The following GPRIN3 variants were observed in gnomAD, a reference collection of about 807,000 sequenced individuals.
GPRIN3 encodes G protein-regulated inducer of neurite outgrowth 3.
GPRIN3 carries 12 observed loss-of-function variants against 13.7 expected under a neutral mutation model. The ratio of observed to expected loss-of-function variants is 0.87; its 90% CI spans 0.56 to 1.42. The LOEUF (loss-of-function observed/expected upper bound fraction) is 1.42. GPRIN3 is among the 40% of genes most tolerant of loss of function. The pLI, the probability that GPRIN3 is intolerant of heterozygous loss-of-function variation, is 0.00. For missense variants in GPRIN3, 1,009 were observed against 958.7 expected (o/e 1.05, Z -0.69); for synonymous variants, 377 against 372.7 (o/e 1.01, Z -0.13).
chr4:89,304,903 T>A (rs1377163470), intron 1 of GPRIN3, among the ~76,000 whole-genome samples: 1 of 152,230 alleles, frequency 6.6e-6, no homozygotes. Flanking sequence ...CATTTGTAGA[T>A]GAAATATTTG....
chr4:89,306,070 T>C (rs998608883), intron 1 of GPRIN3, among the ~76,000 whole-genome samples: 1 of 152,120 alleles, frequency 6.6e-6, no homozygotes, highest in Non-Finnish European at 1.5e-5. Flanking sequence ...TTTTTTTTTC[T>C]CTTTTGAATC....
chr4:89,292,444 A>C (rs547395336), intron 1 of GPRIN3, among the ~76,000 whole-genome samples: 1 of 152,336 alleles, frequency 6.6e-6, no homozygotes, highest in South Asian at 2.1e-4. Flanking sequence ...TTATTAATTA[A>C]TTAACTTCAC....
Position 89,248,302 on chromosome 4 carries a change from G to A in GPRIN3, c.1809C>T (p.Thr603=). The A allele has an allele frequency of 6.2e-7, 1 of 1,614,144 alleles. No individual in the cohort carries two copies. Among genetic ancestry groups the A allele is most frequent in the Non-Finnish European group, 8.5e-7 (1 of 1,180,018 alleles). Reference sequence around the variant, plus strand: ...TGGGATCAGATGGCAGGCTCAGGCTGGTGGCTGTCTTGGTCTGTCTGTTTT... The same window carrying A: ...TGGGATCAGATGGCAGGCTCAGGCTAGTGGCTGTCTTGGTCTGTCTGTTTT... ...LEENRQTKTA[T]SLSLPSDPMG... Residue 603 remains threonine, a synonymous_variant, in exon 2 of 2, where the codon ACC becomes ACT. Coordinates refer to ENST00000609438, the MANE Select transcript of GPRIN3 (RefSeq NM_198281.3).
chr4:89,291,830 CT>C (rs33981386), intron 1 of GPRIN3, among the ~76,000 whole-genome samples: 70,644 of 115,562 alleles, frequency 0.61, 21,026 homozygotes, highest in Non-Finnish European at 0.72. Context: ...ACTGTCAGGG[CT>C]TTTTTTTTTT....
intron 1 of GPRIN3, among the ~76,000 whole-genome samples, chr4:89,305,090 GC>G: frequency 6.6e-6 from 1 of 152,112 alleles, no homozygotes; most frequent in African/African-American, 2.4e-5. Context: ...AGATGAGTTG[GC>G]AGGCCTTTTG....
intron 1 of GPRIN3, among the ~76,000 whole-genome samples, chr4:89,294,519 A>T (rs1343687900): frequency 6.6e-6 from 1 of 152,188 alleles, no homozygotes; most frequent in African/African-American, 2.4e-5. Flanking sequence ...ATTTCTGAAG[A>T]TTTTATGGTC....
At chr4:89,269,443 C>T (rs1324049085) in intron 1 of GPRIN3, among the ~76,000 whole-genome samples, 1 of 152,110 alleles carries the variant, frequency 6.6e-6, no homozygotes, top group African/African-American at 2.4e-5. Flanking sequence ...CTCTACAAGC[C>T]CCATCTGCGC....
Position 89,249,999 on chromosome 4 carries a change from C to G in GPRIN3, c.112G>C (p.Ala38Pro), listed in dbSNP as rs769129403. ...PQAASPRHRP[A>P]LLCKNANGFS... Reference sequence around the variant, plus strand: ...CCATTGGCATTCTTACACAGGAGAGCTGGTCGATGCCGAGGTGAGGCAGCC... The same window carrying G: ...CCATTGGCATTCTTACACAGGAGAGGTGGTCGATGCCGAGGTGAGGCAGCC... Residue 38 changes from alanine (A) to proline (P), a missense_variant, in exon 2 of 2, where the codon GCT (alanine) becomes CCT (proline). Ala to Pro is a conservative substitution (Grantham distance 27). Coordinates refer to ENST00000609438, the MANE Select transcript of GPRIN3 (RefSeq NM_198281.3). 3.1e-6 allele frequency: 5 copies of G among 1,614,230 alleles called. No homozygotes were observed.
chr4:89,294,894 G>A (rs1008728277), intron 1 of GPRIN3, among the ~76,000 whole-genome samples: 10 of 152,136 alleles, frequency 6.6e-5, no homozygotes, highest in African/African-American at 2.4e-4. Context: ...GTTTCTCAAG[G>A]ACAAATTCCC....
chr4:89,264,643 A>G (rs746528159), intron 1 of GPRIN3, among the ~76,000 whole-genome samples: 3 of 152,130 alleles, frequency 2.0e-5, no homozygotes, highest in African/African-American at 4.8e-5. Flanking sequence ...CAAGCAGGTG[A>G]GGACAGAATA....
At chr4:89,267,888 C>T (rs543440023) in intron 1 of GPRIN3, among the ~76,000 whole-genome samples, 1 of 152,270 alleles carries the variant, frequency 6.6e-6, no homozygotes, top group Admixed American at 6.5e-5. Context: ...AAAGCTTCAG[C>T]ATAGTATATT....
At chr4:89,302,469 C>T (rs185043636) in intron 1 of GPRIN3, among the ~76,000 whole-genome samples, 57 of 152,256 alleles carry the variant, frequency 3.7e-4, no homozygotes, top group Admixed American at 9.2e-4. Flanking sequence ...TAAGCCCCAC[C>T]TCCAGATTCA....
chr4:89,302,340 A>G (rs1724921813), intron 1 of GPRIN3, among the ~76,000 whole-genome samples: 1 of 152,166 alleles, frequency 6.6e-6, no homozygotes, highest in African/African-American at 2.4e-5. Flanking sequence ...GTGACTAGAA[A>G]CAGTTATTAA....
In GPRIN3 at chr4:89,249,909, C is replaced by A. The variant is rs34208408; in HGVS notation, c.202G>T (p.Val68Phe). 1,886 of 1,614,198 alleles carry A rather than the reference C, an allele frequency of 1.2e-3. 2 individuals carry two copies. The highest frequency in any genetic ancestry group is 1.5e-3 in the Non-Finnish European group (1,765 of 1,180,016). ...PRAAAEALMQ[V>F]CEHETTQPDM... The stretch of plus-strand genomic sequence containing the variant: ...GGTTGGGTGGTCTCATGCTCACAAA[C>A]CTGCATCAGGGCTTCGGCAGCTGCC... The change falls in exon 2 of 2, where the codon GTT (valine) becomes TTT (phenylalanine). Residue 68 changes from valine (V) to phenylalanine (F), a missense_variant. By Grantham distance (50) the Val-to-Phe change is conservative (BLOSUM62 -1). Transcript: ENST00000609438.
intron 1 of GPRIN3, among the ~76,000 whole-genome samples, chr4:89,291,667 A>AT (rs1224036064): frequency 1.1e-3 from 160 of 152,210 alleles, no homozygotes; most frequent in Non-Finnish European, 1.7e-3. Flanking sequence ...TTTTCTCATC[A>AT]CTTAGCTAAA....
rs201613919 is a variant in GPRIN3, at chr4:89,249,906, A to C, written c.205T>G (p.Cys69Gly). 8.9e-5 allele frequency: 143 copies of C among 1,614,180 alleles called. No individual in the cohort carries two copies. The East Asian group carries it at 2.9e-3, about 33-fold the overall frequency. Residue 69 changes from cysteine to glycine, a missense_variant, in exon 2 of 2, where the codon TGT becomes GGT. Cys to Gly is a radical substitution (Grantham distance 159, BLOSUM62 -3). Transcript: ENST00000609438. ...TCTGGTTGGGTGGTCTCATGCTCACAAACCTGCATCAGGGCTTCGGCAGCT... is the reference window on the plus strand; with the variant it reads ...TCTGGTTGGGTGGTCTCATGCTCACCAACCTGCATCAGGGCTTCGGCAGCT... ...RAAAEALMQV[C>G]EHETTQPDMS...
chr4:89,297,886 T>C (rs1183208837), intron 1 of GPRIN3, among the ~76,000 whole-genome samples: 1 of 152,178 alleles, frequency 6.6e-6, no homozygotes, highest in Non-Finnish European at 1.5e-5. Flanking sequence ...CAGCGGCCCT[T>C]AAGCAGTCTT....
chr4:89,279,096 C>T, intron 1 of GPRIN3, among the ~76,000 whole-genome samples: 1 of 152,194 alleles, frequency 6.6e-6, no homozygotes, highest in South Asian at 2.1e-4. Flanking sequence ...AGAACCGATT[C>T]CCCTGGACAA....
intron 1 of GPRIN3, among the ~76,000 whole-genome samples, chr4:89,281,058 G>GT (rs1459067193): frequency 5.1e-5 from 7 of 138,076 alleles, no homozygotes; most frequent in African/African-American, 2.1e-4. Flanking sequence ...GGAAGGTGAA[G>GT]GGGGGGGATA....
Sources: allele counts gnomAD v4.1 joint callset (sites outside exome capture counted in the v4.1 genomes callset), GRCh38; gene constraint gnomAD v4.1.1; transcripts MANE v1.5; gene names NCBI Gene and HGNC (gene_info 2026-07-23, HGNC 2026-07-21).